The following LINGO2 variants were observed in gnomAD, a reference collection of about 807,000 sequenced individuals.
The protein encoded by LINGO2 is leucine-rich repeat and immunoglobulin-like domain-containing nogo receptor-interacting protein 2.
A neutral mutation model predicts 30.6 loss-of-function variants in LINGO2; 14 were observed. The ratio of observed to expected loss-of-function variants is 0.46; its 90% CI spans 0.30 to 0.72. The LOEUF is 0.72. Ranked by LOEUF, LINGO2 falls within the 30% of genes least tolerant of loss-of-function variation. The pLI, the probability that LINGO2 is intolerant of heterozygous loss-of-function variation, is 0.07. For missense variants in LINGO2, 729 were observed against 751.7 expected (o/e 0.97, Z 0.35); for synonymous variants, 317 against 288.5 (o/e 1.10, Z -1.00).
At chr9:28,676,617 T>C in the LINGO2 span, among the ~76,000 whole-genome samples, 2 of 152,204 alleles carry the variant, frequency 1.3e-5, no homozygotes, top group African/African-American at 2.4e-5. Flanking sequence ...TTTTAAAACA[T>C]GTGTTGTTGG....
intron 1 of LINGO2, among the ~76,000 whole-genome samples, chr9:28,481,690 G>C (rs1310829037): frequency 2.0e-5 from 3 of 152,012 alleles, no homozygotes; most frequent in Non-Finnish European, 4.4e-5. Flanking sequence ...AGTTACATAT[G>C]TATACATGTG....
chr9:28,924,982 G>A, the LINGO2 span, among the ~76,000 whole-genome samples: 1 of 151,956 alleles, frequency 6.6e-6, no homozygotes, highest in Non-Finnish European at 1.5e-5. Flanking sequence ...TTCAGTCTAT[G>A]TTTGGCTTGT....
At chr9:29,008,047 G>C in the LINGO2 span, among the ~76,000 whole-genome samples, 2 of 152,006 alleles carry the variant, frequency 1.3e-5, no homozygotes, top group Non-Finnish European at 2.9e-5. Flanking sequence ...ATTTAAATTA[G>C]GTATATCTCC....
At chr9:28,560,040 C>T (rs1047423242) in intron 1 of LINGO2, among the ~76,000 whole-genome samples, 4 of 148,220 alleles carry the variant, frequency 2.7e-5, no homozygotes, top group African/African-American at 7.5e-5. Context: ...CTTTGGTCTT[C>T]TTCTCTGTAT....
At chr9:28,980,893 T>C in the LINGO2 span, among the ~76,000 whole-genome samples, 1 of 152,128 alleles carries the variant, frequency 6.6e-6, no homozygotes, top group Admixed American at 6.6e-5. Flanking sequence ...TTGACTGTTC[T>C]GATAACTGTT....
chr9:28,253,301 A>G (rs1822269841), intron 4 of LINGO2, among the ~76,000 whole-genome samples: 1 of 152,116 alleles, frequency 6.6e-6, no homozygotes, highest in South Asian at 2.1e-4. Context: ...GCATTTATTG[A>G]CCACTTAACT....
At position 28,063,328 on chromosome 9, in the gene LINGO2, G is replaced by A. The variant is rs528372255; in HGVS notation, c.-86-50923C>T. On this transcript the variant is annotated intron_variant, in intron 4 of 5. Transcript: ENST00000379992. ...AATATTAATTTTTTAAAACCAGTGG[G>A]TCTTTGATTCATATAATATTAATAG... Among the ~76,000 whole-genome samples, 3 of 152,172 alleles carry A rather than the reference G, an allele frequency of 2.0e-5. No individual in the cohort carries two copies. The South Asian group carries it at 6.2e-4, about 32-fold the overall frequency.
At chr9:29,024,675 C>T in the LINGO2 span, among the ~76,000 whole-genome samples, 4 of 151,964 alleles carry the variant, frequency 2.6e-5, no homozygotes, top group Admixed American at 6.6e-5. Context: ...AATCAGAGAG[C>T]GATGGAGAAG....
intron 3 of LINGO2, among the ~76,000 whole-genome samples, chr9:28,332,945 C>T (rs771099736): frequency 8.5e-5 from 13 of 152,216 alleles, no homozygotes; most frequent in Non-Finnish European, 1.3e-4. Context: ...AGAAGGGGAT[C>T]GGGTAAACAT....
intron 4 of LINGO2, among the ~76,000 whole-genome samples, chr9:28,084,723 A>G (rs546763543): frequency 1.3e-5 from 2 of 152,240 alleles, no homozygotes; most frequent in East Asian, 1.9e-4. Flanking sequence ...AAATTAAATT[A>G]GTTTTCATTA....
At chr9:28,458,830 T>C (rs1824956813) in intron 2 of LINGO2, among the ~76,000 whole-genome samples, 1 of 152,134 alleles carries the variant, frequency 6.6e-6, no homozygotes, top group Non-Finnish European at 1.5e-5. Flanking sequence ...TTGCTCACCT[T>C]GAACTTTGCT....
intron 4 of LINGO2, among the ~76,000 whole-genome samples, chr9:28,088,575 A>G (rs1587830471): frequency 1.3e-5 from 2 of 152,162 alleles, no homozygotes; most frequent in East Asian, 3.9e-4. Flanking sequence ...ACAGAAACAC[A>G]TATTGTGCAA....
chr9:28,137,202 C>T (rs968532811), intron 4 of LINGO2, among the ~76,000 whole-genome samples: 4 of 149,824 alleles, frequency 2.7e-5, no homozygotes, highest in African/African-American at 4.9e-5. Flanking sequence ...ATCCCTGACA[C>T]ACACACACAC....
At chr9:28,207,164 G>A (rs1212479983) in intron 4 of LINGO2, among the ~76,000 whole-genome samples, 4 of 152,014 alleles carry the variant, frequency 2.6e-5, no homozygotes, top group South Asian at 2.1e-4. Flanking sequence ...CTTTAAATAC[G>A]GTAATTTTTA....
the LINGO2 span, among the ~76,000 whole-genome samples, chr9:29,088,866 C>A: frequency 6.6e-6 from 1 of 152,044 alleles, no homozygotes; most frequent in African/African-American, 2.4e-5. Context: ...ATGTTTCTAT[C>A]AACAATATTA....
the LINGO2 span, among the ~76,000 whole-genome samples, chr9:28,809,027 C>A: frequency 6.6e-6 from 1 of 152,134 alleles, no homozygotes; most frequent in African/African-American, 2.4e-5. Context: ...TATAAACATT[C>A]TTTGACATAG....
the LINGO2 span, among the ~76,000 whole-genome samples, chr9:28,754,663 C>T: frequency 3.4e-4 from 52 of 150,738 alleles, no homozygotes; most frequent in Non-Finnish European, 6.8e-4. Flanking sequence ...TGGAGTCTCG[C>T]TCTGTTGCCC....
At chr9:28,431,219 A>G (rs2134951114) in intron 2 of LINGO2, among the ~76,000 whole-genome samples, 1 of 152,290 alleles carries the variant, frequency 6.6e-6, no homozygotes, top group South Asian at 2.1e-4. Flanking sequence ...AGGAGTCAGG[A>G]ATCATTGTCG....
At chr9:28,277,961 C>T (rs1002182904) in intron 4 of LINGO2, among the ~76,000 whole-genome samples, 1 of 151,576 alleles carries the variant, frequency 6.6e-6, no homozygotes, top group Admixed American at 6.6e-5. Flanking sequence ...GTTGTGAATG[C>T]AAATGAAAGT....
Sources: allele counts gnomAD v4.1 joint callset (sites outside exome capture counted in the v4.1 genomes callset), GRCh38; gene constraint gnomAD v4.1.1; transcripts MANE v1.5; gene names NCBI Gene and HGNC (gene_info 2026-07-23, HGNC 2026-07-21).